The following FANCC variants were observed in gnomAD, a reference collection of about 807,000 sequenced individuals.
FANCC encodes the protein Fanconi anemia group C protein.
Under a neutral mutation model 71.3 loss-of-function variants are expected in FANCC, and 55 were observed. The observed-to-expected ratio is 0.77, with a 90% CI of 0.62 to 0.97. The LOEUF (loss-of-function observed/expected upper bound fraction) is 0.97, where lower values mean the gene tolerates loss of function less well. FANCC is among the 50% of genes least tolerant of loss of function. FANCC has a pLI of 0.00. For synonymous variants in FANCC, 275 were observed against 244.9 expected (o/e 1.12, Z -1.15); for missense variants, 678 against 670.9 (o/e 1.01, Z -0.12).
chr9:95,295,334 C>T (rs1453772196), intron 1 of FANCC, among the ~76,000 whole-genome samples: 1 of 152,030 alleles, frequency 6.6e-6, no homozygotes, highest in Non-Finnish European at 1.5e-5. Context: ...GGAACTCAAA[C>T]AGCTCAATAC....
intron 1 of FANCC, among the ~76,000 whole-genome samples, chr9:95,303,953 G>A (rs1466948793): frequency 6.6e-6 from 1 of 152,144 alleles, no homozygotes; most frequent in Non-Finnish European, 1.5e-5. Context: ...GATTGAAAGG[G>A]CTGACCAAGT....
chr9:95,302,839 G>A (rs1283715599), intron 1 of FANCC, among the ~76,000 whole-genome samples: 1 of 152,200 alleles, frequency 6.6e-6, no homozygotes, highest in Non-Finnish European at 1.5e-5. Flanking sequence ...CAGAAGCATG[G>A]CCAAATGAAT....
At chr9:95,158,917 A>G (rs1296267216) in intron 6 of FANCC, among the ~76,000 whole-genome samples, 1 of 152,254 alleles carries the variant, frequency 6.6e-6, no homozygotes, top group African/African-American at 2.4e-5. Flanking sequence ...TCAAGAGAAA[A>G]TAAGATGAAA....
intron 1 of FANCC, among the ~76,000 whole-genome samples, chr9:95,306,344 G>C (rs1205656640): frequency 6.6e-6 from 1 of 152,128 alleles, no homozygotes; most frequent in Non-Finnish European, 1.5e-5. Flanking sequence ...ATTCATTGAG[G>C]GTTTCAGGGC....
intron 3 of FANCC, among the ~76,000 whole-genome samples, chr9:95,243,855 C>G (rs776940612): frequency 1.3e-5 from 2 of 152,150 alleles, no homozygotes; most frequent in Non-Finnish European, 2.9e-5. Flanking sequence ...GAAGAAAGCG[C>G]CCAACTAGTC....
intron 1 of FANCC, chr9:95,292,546 A>G: frequency 6.7e-7 from 1 of 1,486,444 alleles, no homozygotes; most frequent in African/African-American, 1.4e-5. Context: ...CTGATCCAGC[A>G]GTAGGTGAGC....
At chr9:95,167,470 G>A (rs529694218) in intron 6 of FANCC, among the ~76,000 whole-genome samples, 1 of 152,238 alleles carries the variant, frequency 6.6e-6, no homozygotes, top group East Asian at 1.9e-4. Context: ...TTCCACAAGT[G>A]TCTTAGGCTT....
At chr9:95,222,162 C>CAAAAAA (rs60764731) in intron 4 of FANCC, among the ~76,000 whole-genome samples, 5 of 70,608 alleles carry the variant, frequency 7.1e-5, no homozygotes, top group Admixed American at 1.6e-4. Context: ...GGCCCCATCT[C>CAAAAAA]AAAAAAAAAA....
In FANCC at chr9:95,164,041, T is replaced by C. The variant is rs1830919455; in HGVS notation, c.521+7038A>G. 2.6e-5 allele frequency among the ~76,000 whole-genome samples: 4 copies of C among 152,356 alleles called. No homozygotes were observed. The South Asian group carries it at 8.3e-4, about 32-fold the overall frequency. On this transcript the variant is annotated intron_variant, in intron 6 of 14. Transcript: ENST00000289081. ...CTTTTTGGTGCTATTGTAAGCAGGATTGTTTTTAAACTTCCTTTTTGGGTT... is the reference window on the plus strand; with the variant it reads ...CTTTTTGGTGCTATTGTAAGCAGGACTGTTTTTAAACTTCCTTTTTGGGTT...
At chr9:95,112,070 A>G (rs1337358413) in intron 12 of FANCC, among the ~76,000 whole-genome samples, 1 of 152,244 alleles carries the variant, frequency 6.6e-6, no homozygotes, top group Non-Finnish European at 1.5e-5. Flanking sequence ...GTTCAGGTGG[A>G]TATTTCAGCA....
At chr9:95,213,906 T>C (rs1429059448) in intron 4 of FANCC, among the ~76,000 whole-genome samples, 1 of 152,052 alleles carries the variant, frequency 6.6e-6, no homozygotes, top group African/African-American at 2.4e-5. Flanking sequence ...TATACCAGGA[T>C]AAGGGATTAA....
chr9:95,191,041 T>C (rs1827062502), intron 4 of FANCC, among the ~76,000 whole-genome samples: 1 of 151,886 alleles, frequency 6.6e-6, no homozygotes. Flanking sequence ...TGCTGAGGTC[T>C]TCTGTCATGA....
chr9:95,287,336 C>T (rs1833750513), intron 1 of FANCC, among the ~76,000 whole-genome samples: 1 of 152,130 alleles, frequency 6.6e-6, no homozygotes, highest in African/African-American at 2.4e-5. Flanking sequence ...CAACCTCAAC[C>T]TAAACTTAAG....
intron 1 of FANCC, among the ~76,000 whole-genome samples, chr9:95,282,826 T>C (rs1009310901): frequency 2.0e-5 from 3 of 152,152 alleles, no homozygotes; most frequent in African/African-American, 7.2e-5. Context: ...AACATGCTCC[T>C]AAACAATGAG....
chr9:95,291,959 A>AT (rs1332408874), intron 1 of FANCC, among the ~76,000 whole-genome samples: 95 of 106,578 alleles, frequency 8.9e-4, no homozygotes, highest in African/African-American at 2.9e-3. Context: ...AAAAAAAAAA[A>AT]AAAAAAAAAT....
At chr9:95,276,188 AC>A (rs993246744) in intron 1 of FANCC, among the ~76,000 whole-genome samples, 16 of 152,172 alleles carry the variant, frequency 1.1e-4, no homozygotes, top group Admixed American at 9.8e-4. Context: ...TAACCCAACC[AC>A]CAGGATGAAT....
chr9:95,146,028 T>A (rs777955123), intron 7 of FANCC, among the ~76,000 whole-genome samples: 42 of 152,040 alleles, frequency 2.8e-4, no homozygotes, highest in South Asian at 4.1e-4. Flanking sequence ...TCTAAGACAA[T>A]CAGGATAATT....
At chr9:95,272,500 A>T (rs1408512027) in intron 1 of FANCC, among the ~76,000 whole-genome samples, 1 of 152,130 alleles carries the variant, frequency 6.6e-6, no homozygotes, top group Non-Finnish European at 1.5e-5. Flanking sequence ...ACTCGAGCCC[A>T]GCCTGGCCAA....
At chr9:95,289,352 G>A (rs889300519) in intron 1 of FANCC, among the ~76,000 whole-genome samples, 18 of 152,058 alleles carry the variant, frequency 1.2e-4, no homozygotes, top group African/African-American at 3.1e-4. Flanking sequence ...ACACAATCAC[G>A]GAGTATTTGC....
Sources: gnomAD v4.1 joint callset for allele counts (sites outside exome capture counted in the v4.1 genomes callset) on GRCh38, gnomAD v4.1.1 for gene constraint, MANE v1.5 for transcripts, NCBI Gene and HGNC (gene_info 2026-07-23, HGNC 2026-07-21) for gene names.